Variants in LCMT1 observed in about 807,000 individuals in gnomAD.
The protein encoded by LCMT1 is leucine carboxyl methyltransferase 1, also known as [Phosphatase 2A protein]-leucine-carboxy methyltransferase 1.
LCMT1 carries 32 observed loss-of-function variants against 47.7 expected under a neutral mutation model. That is an observed-to-expected ratio of 0.67 (90% CI 0.51 to 0.90). The LOEUF is 0.90. Ranked by LOEUF, LCMT1 falls within the 40% of genes least tolerant of loss-of-function variation. LCMT1 has a pLI of 0.00. For synonymous variants in LCMT1, 152 were observed against 149.7 expected, an observed-to-expected ratio of 1.02 and a Z score of -0.11; for missense variants, 375 against 415.2, an observed-to-expected ratio of 0.90 and a Z score of 0.84.
chr16:25,133,385 G>GTTTTTTTTTTT (rs1177872054), intron 3 of LCMT1, among the ~76,000 whole-genome samples: 1 of 52,584 alleles, frequency 1.9e-5, no homozygotes, highest in Non-Finnish European at 3.3e-5. Flanking sequence ...CTGGGCTTAG[G>GTTTTTTTTTTT]TTTTTTTTTT....
intron 3 of LCMT1, among the ~76,000 whole-genome samples, chr16:25,135,289 A>ATC (rs1224784686): frequency 8.0e-6 from 1 of 124,622 alleles, no homozygotes; most frequent in Non-Finnish European, 1.8e-5. Flanking sequence ...TTTAAAATAT[A>ATC]TATCTATATA....
At chr16:25,123,390 A>C (rs768344653) in intron 1 of LCMT1, among the ~76,000 whole-genome samples, 6 of 151,296 alleles carry the variant, frequency 4.0e-5, no homozygotes, top group Admixed American at 1.3e-4. Context: ...ATGCCCAGCT[A>C]ATTTCTGTAT....
At chr16:25,150,398 G>A in intron 4 of LCMT1, among the ~76,000 whole-genome samples, 1 of 126,310 alleles carries the variant, frequency 7.9e-6, no homozygotes, top group Non-Finnish European at 1.6e-5. Flanking sequence ...AGGCTGGAGT[G>A]CAATGGCACG....
At chr16:25,138,863 A>T (rs559868306) in intron 3 of LCMT1, among the ~76,000 whole-genome samples, 2 of 152,170 alleles carry the variant, frequency 1.3e-5, no homozygotes, top group South Asian at 4.1e-4. Context: ...ATTTCCTGTG[A>T]GCCCCACATG....
At position 25,164,774 on chromosome 16, in the gene LCMT1, CT is replaced by C. The variant is rs1191629664; in HGVS notation, c.690+57del. 1.2e-5 allele frequency: 20 copies of C among 1,610,492 alleles called. No individual in the cohort carries two copies. The East Asian group carries it at 4.2e-4, about 34-fold the overall frequency. ...ATACAGGATCGCCGTGGTGGCTTCC[CT>C]CTCCCAGCACCCTTAGGATAACTTC... On this transcript the variant is annotated intron_variant, in intron 7 of 10. Transcript: ENST00000399069.
intron 4 of LCMT1, chr16:25,146,231 A>G (rs1328809524): frequency 2.0e-5 from 3 of 152,334 alleles, no homozygotes; most frequent in African/African-American, 4.8e-5. Flanking sequence ...GCTGTCCACG[A>G]GGAACTGTTT....
intron 1 of LCMT1, among the ~76,000 whole-genome samples, chr16:25,112,351 G>A (rs1959648258): frequency 6.6e-6 from 1 of 152,166 alleles, no homozygotes; most frequent in Admixed American, 6.5e-5. Flanking sequence ...AGAGGTGTAG[G>A]TTCTCTCTCT....
chr16:25,126,519 T>C lies in LCMT1; in HGVS notation c.114-1956T>C, dbSNP rs1212898684. Among the ~76,000 whole-genome samples the C allele has an allele frequency of 2.0e-5, 3 of 149,396 alleles. No homozygotes were observed. The East Asian group carries it at 5.9e-4, about 29-fold the overall frequency. On this transcript the variant is annotated intron_variant, in intron 1 of 10. Coordinates refer to ENST00000399069, the MANE Select transcript of LCMT1 (RefSeq NM_016309.3). ...CCGTGACCGTCTTCCTCTCTACGAG[T>C]CACTGCCTTCATTCCTCATCATCTT...
At chr16:25,137,661 C>T (rs1265018953) in intron 3 of LCMT1, among the ~76,000 whole-genome samples, 1 of 152,012 alleles carries the variant, frequency 6.6e-6, no homozygotes, top group Non-Finnish European at 1.5e-5. Flanking sequence ...CCAGGCTGGT[C>T]TCGAACTTCT....
chr16:25,112,047 G>T, intron 1 of LCMT1, 51 bp downstream of exon 1: 1 of 1,207,462 alleles, frequency 8.3e-7, no homozygotes, highest in Non-Finnish European at 1.2e-6. Flanking sequence ...GCGGGCCTAG[G>T]TGGGAGGTGG....
chr16:25,120,949 G>A (rs1209514516), intron 1 of LCMT1, among the ~76,000 whole-genome samples: 29 of 138,312 alleles, frequency 2.1e-4, no homozygotes, highest in Non-Finnish European at 3.7e-4. Context: ...TTGTAGAGAC[G>A]GGGTTTTGCC....
intron 3 of LCMT1, among the ~76,000 whole-genome samples, chr16:25,137,169 G>A (rs1227625385): frequency 6.6e-6 from 1 of 152,062 alleles, no homozygotes; most frequent in Non-Finnish European, 1.5e-5. Flanking sequence ...CGAGTAGCTG[G>A]GATTACAGGC....
intron 1 of LCMT1, among the ~76,000 whole-genome samples, chr16:25,114,574 CCT>C (rs1959728516): frequency 6.6e-6 from 1 of 152,116 alleles, no homozygotes; most frequent in Non-Finnish European, 1.5e-5. Context: ...TCTGTTCTCC[CCT>C]CTTTTGTTTA....
chr16:25,171,249 A>C (rs1009168196), intron 9 of LCMT1, among the ~76,000 whole-genome samples: 1 of 151,952 alleles, frequency 6.6e-6, no homozygotes, highest in African/African-American at 2.4e-5. Context: ...TCCAAAAATA[A>C]ATAAAAATAC....
chr16:25,170,737 G>T lies in LCMT1; in HGVS notation c.816G>T (p.Gly272=), dbSNP rs778132204. ...ESQKERLLSN[G]WETASAVDMM... is the part of the protein sequence containing the mutation. ...AGAAAGAACGGCTCCTGTCGAATGG[G>T]TGGGAAACAGCATCGGCCGTCGACA... The change falls in exon 9 of 11, where the codon GGG becomes GGT. Residue 272 remains glycine (G), a synonymous_variant. Coordinates refer to ENST00000399069, the MANE Select transcript of LCMT1 (RefSeq NM_016309.3). 3.1e-6 allele frequency: 5 copies of T among 1,613,472 alleles called. No homozygotes were observed. Among genetic ancestry groups the T allele is most frequent in the Non-Finnish European group, 2.5e-6 (3 of 1,179,560 alleles).
chr16:25,156,528 G>T lies in LCMT1; in HGVS notation c.467-4574G>T, dbSNP rs186769117. Among the ~76,000 whole-genome samples the T allele has an allele frequency of 5.3e-4, 80 of 152,332 alleles. 1 individual carries two copies. The highest frequency in any genetic ancestry group is 1.9e-3 in the African/African-American group (80 of 41,580). ...ATGTGAACAGGATTTCAGTTGGGCC[G>T]TGAGGAGGAGACCCTACTACCTAGG... On this transcript the variant is annotated intron_variant, in intron 5 of 10. Transcript: ENST00000399069.
intron 1 of LCMT1, among the ~76,000 whole-genome samples, chr16:25,113,596 CA>C (rs1959696910): frequency 6.6e-6 from 1 of 152,160 alleles, no homozygotes. Flanking sequence ...AATAAATACA[CA>C]AGTATTAAAG....
At chr16:25,124,572 G>A (rs917275932) in intron 1 of LCMT1, among the ~76,000 whole-genome samples, 2 of 152,216 alleles carry the variant, frequency 1.3e-5, no homozygotes. Context: ...TAAGCACTTG[G>A]TGACTTGATT....
intron 7 of LCMT1, 77 bp downstream of exon 7, chr16:25,164,795 A>G (rs1013852486): frequency 1.3e-6 from 2 of 1,586,332 alleles, no homozygotes; most frequent in Admixed American, 1.7e-5. Flanking sequence ...CCCTTAGGAT[A>G]ACTTCCCTTA....
Sources: gnomAD v4.1 joint callset for allele counts (sites outside exome capture counted in the v4.1 genomes callset) on GRCh38, gnomAD v4.1.1 for gene constraint, MANE v1.5 for transcripts, NCBI Gene and HGNC (gene_info 2026-07-23, HGNC 2026-07-21) for gene names.